The following ZGRF1 variants were observed in gnomAD, a reference collection of about 807,000 sequenced individuals.
ZGRF1 encodes the protein zinc finger GRF-type containing 1, also known as 5'-3' DNA helicase ZGRF1.
In ZGRF1, 196 loss-of-function variants were observed where a neutral mutation model predicts 203.5. That is an observed-to-expected ratio of 0.96 (90% CI 0.86 to 1.08). The LOEUF (loss-of-function observed/expected upper bound fraction) is 1.08. Ranked by LOEUF, ZGRF1 falls within the 50% of genes least tolerant of loss-of-function variation. The pLI is 0.00. For synonymous variants in ZGRF1, 809 were observed against 841.3 expected (o/e 0.96, Z 0.66); for missense variants, 2,326 against 2,416.3 (o/e 0.96, Z 0.78).
rs751274788 is a variant in ZGRF1, at chr4:112,584,132, A to G, written c.4144T>C (p.Cys1382Arg). ...YTCDGPKADR[C>R]KFFKWLEDVT... The stretch of plus-strand genomic sequence containing the variant: ...TCCTCAAGCCATTTAAAGAATTTAC[A>G]TCGATCAGCTTTGGGTCCATCACAT... The change falls in exon 15 of 28, where the codon TGT (cysteine) becomes CGT (arginine). Residue 1382 changes from cysteine (C) to arginine (R), a missense_variant. Coordinates refer to ENST00000505019, the MANE Select transcript of ZGRF1 (RefSeq NM_018392.5). The G allele has an allele frequency of 3.1e-6, 5 of 1,613,440 alleles. No homozygotes were observed. The highest frequency in any genetic ancestry group is 1.1e-5 in the South Asian group (1 of 91,016).
At chr4:112,594,394 A>G (rs777434789) in intron 10 of ZGRF1, among the ~76,000 whole-genome samples, 4 of 149,314 alleles carry the variant, frequency 2.7e-5, no homozygotes, top group Non-Finnish European at 5.9e-5. Flanking sequence ...TTTTTCTACT[A>G]TATTTTCTAA....
At chr4:112,553,089 T>C (rs1392994811) in intron 22 of ZGRF1, among the ~76,000 whole-genome samples, 3 of 152,232 alleles carry the variant, frequency 2.0e-5, no homozygotes, top group Non-Finnish European at 4.4e-5. Context: ...CAATAGCTGA[T>C]CAATACAGTG....
Position 112,560,988 on chromosome 4 carries a change from G to A in ZGRF1, c.4705C>T (p.Pro1569Ser). The A allele has an allele frequency of 6.2e-7, 1 of 1,605,940 alleles. No homozygotes were observed. The highest frequency in any genetic ancestry group is 8.5e-7 in the Non-Finnish European group (1 of 1,174,132). ...LTQYLLTTSS[P>S]TIVSNKRVSK... ...ACTCTTTTGTTACTAACTATAGTTG[G>A]CGAAGACCTAATAAAAATGAAGCAA... The change falls in exon 19 of 28, where the codon CCA becomes TCA. Residue 1569 changes from proline (P) to serine (S), a missense_variant. Transcript: ENST00000505019.
intron 24 of ZGRF1, chr4:112,546,649 T>G (rs577885550): frequency 2.0e-5 from 3 of 152,322 alleles, no homozygotes; most frequent in Admixed American, 6.5e-5. Flanking sequence ...AAGGATGGAT[T>G]TGTGAATGGA....
chr4:112,602,356 A>G (rs1360872626), intron 10 of ZGRF1, among the ~76,000 whole-genome samples: 6 of 152,254 alleles, frequency 3.9e-5, no homozygotes, highest in Admixed American at 3.9e-4. Context: ...CCACCAGAAT[A>G]GCTAAAACTG....
intron 7 of ZGRF1, among the ~76,000 whole-genome samples, chr4:112,611,492 T>C (rs1375935617): frequency 6.6e-6 from 1 of 152,238 alleles, no homozygotes; most frequent in African/African-American, 2.4e-5. Context: ...ACCAGTGCCA[T>C]ATAATGAAAG....
intron 24 of ZGRF1, among the ~76,000 whole-genome samples, chr4:112,545,184 T>C (rs1380473174): frequency 1.3e-5 from 2 of 151,168 alleles, no homozygotes; most frequent in African/African-American, 2.4e-5. Context: ...CAAAAAACAC[T>C]ATTAAAGTGA....
At chr4:112,591,148 A>C (rs969299266) in intron 10 of ZGRF1, among the ~76,000 whole-genome samples, 1 of 152,200 alleles carries the variant, frequency 6.6e-6, no homozygotes, top group Admixed American at 6.5e-5. Context: ...TATATTTCTG[A>C]GTTCTTACTA....
rs144635455 is a variant in ZGRF1 at position 112,597,406 on chromosome 4, C to A, written c.2976+6118G>T. Among the ~76,000 whole-genome samples, 1,084 of 151,848 alleles carry A rather than the reference C, an allele frequency of 7.1e-3. 33 individuals carry two copies. The East Asian group carries it at 0.093, about 13-fold the overall frequency. ...AGGTGTGGTGGTGTGCATCTGTAAT[C>A]CCAGCTACCCAGGAGGCTGAGGCAG... On this transcript the variant is annotated intron_variant, in intron 10 of 27. Transcript: ENST00000505019.
intron 24 of ZGRF1, among the ~76,000 whole-genome samples, chr4:112,544,832 C>T (rs1357246254): frequency 6.6e-6 from 1 of 152,144 alleles, no homozygotes; most frequent in Non-Finnish European, 1.5e-5. Flanking sequence ...AGAAATAAAC[C>T]CTTGTACATG....
intron 11 of ZGRF1, 138 bp downstream of exon 11, chr4:112,589,586 G>T (rs1475164431): frequency 1.9e-5 from 14 of 729,826 alleles, no homozygotes; most frequent in Non-Finnish European, 3.0e-5. Flanking sequence ...AAGTTCAAAG[G>T]AAGAAAGGTT....
chr4:112,617,999 T>G lies in ZGRF1; in HGVS notation c.2043A>C (p.Lys681Asn). 6.2e-7 allele frequency: 1 copy of G among 1,612,730 alleles called. No homozygotes were observed. Among genetic ancestry groups the G allele is most frequent in the Non-Finnish European group, 8.5e-7 (1 of 1,179,784 alleles). Residue 681 changes from lysine to asparagine, a missense_variant, in exon 6 of 28, where the codon AAA becomes AAC. Transcript: ENST00000505019. ...GTAAATTCATGTTTATACCTTTAGA[T>G]TTATTCGGGGGTAAAGCAAAATCAT... is the stretch of plus-strand genomic sequence containing the variant. ...INYDFALPPN[K>N]SKGINMNLHI...
rs1274215242 is a variant in ZGRF1, at chr4:112,585,582, G to A, written c.4060C>T (p.Pro1354Ser). ...NNVPSCHHSQ[P>S]AKLVMVKKEG... ...TTTTTAACCATGACAAGTTTTGCAG[G>A]TTGACTATGATGGCAGGATGGTACA... The change falls in exon 14 of 28, where the codon CCT (proline) becomes TCT (serine). Residue 1354 changes from proline to serine, a missense_variant. By Grantham distance (74) the Pro-to-Ser change is moderately conservative (BLOSUM62 -1). Coordinates refer to ENST00000505019, the MANE Select transcript of ZGRF1 (RefSeq NM_018392.5). The A allele has an allele frequency of 1.9e-6, 3 of 1,611,890 alleles. No individual in the cohort carries two copies. In the East Asian group the frequency reaches 6.7e-5, roughly 36 times the overall value.
intron 16 of ZGRF1, among the ~76,000 whole-genome samples, chr4:112,569,167 T>A (rs1309856673): frequency 1.3e-5 from 2 of 152,234 alleles, no homozygotes; most frequent in South Asian, 2.1e-4. Flanking sequence ...CCTAAAATTT[T>A]ATATGTAGCC....
In ZGRF1 at chr4:112,617,901, A is replaced by C; in HGVS notation, c.2141T>G (p.Phe714Cys). ...LFSEDAQPQPFILGSDLDKND... is the reference protein window; with the variant it reads ...LFSEDAQPQPCILGSDLDKND... Reference sequence around the variant, plus strand: ...TTTGTCTAAGTCACTTCCCAAAATAAAAGGCTGAGGTTGAGCATCTTCTGA... The same window carrying C: ...TTTGTCTAAGTCACTTCCCAAAATACAAGGCTGAGGTTGAGCATCTTCTGA... The change falls in exon 6 of 28, where the codon TTT becomes TGT. Residue 714 changes from phenylalanine (F) to cysteine (C), a missense_variant. Transcript: ENST00000505019. 6.2e-7 allele frequency: 1 copy of C among 1,613,960 alleles called. No homozygotes were observed. The highest frequency in any genetic ancestry group is 8.5e-7 in the Non-Finnish European group (1 of 1,179,984).
At chr4:112,599,088 G>T (rs1041531632) in intron 10 of ZGRF1, among the ~76,000 whole-genome samples, 18 of 151,800 alleles carry the variant, frequency 1.2e-4, no homozygotes, top group Admixed American at 3.3e-4. Context: ...CTAATGTAGT[G>T]GAAAAAAATG....
Position 112,540,801 on chromosome 4 carries a change from C to T in ZGRF1, c.5910+20G>A, listed in dbSNP as rs370464100. On this transcript the variant is annotated intron_variant, in intron 26 of 27. Coordinates refer to ENST00000505019, the MANE Select transcript of ZGRF1 (RefSeq NM_018392.5). Reference sequence around the variant, plus strand: ...TGTAATATTTAATATATGGCAAATACTGTAATACATAATACCAACCTTGTA... The same window carrying T: ...TGTAATATTTAATATATGGCAAATATTGTAATACATAATACCAACCTTGTA... 4.6e-5 allele frequency: 71 copies of T among 1,557,596 alleles called. No homozygotes were observed. Among genetic ancestry groups the T allele is most frequent in the Non-Finnish European group, 2.3e-5 (26 of 1,143,962 alleles).
intron 16 of ZGRF1, among the ~76,000 whole-genome samples, chr4:112,574,972 ACCTAGAT>A (rs1196716468): frequency 4.0e-5 from 6 of 151,802 alleles, no homozygotes; most frequent in Admixed American, 3.9e-4. Flanking sequence ...ACTGCAGTGA[ACCTAGAT>A]CACGCTACTG....
At chr4:112,562,264 A>C (rs1742140344) in intron 18 of ZGRF1, 107 bp downstream of exon 18, 6 of 676,458 alleles carry the variant, frequency 8.9e-6, no homozygotes, top group Non-Finnish European at 1.6e-5. Flanking sequence ...AAAAATAATT[A>C]CAATTTTATT....
Sources: allele counts gnomAD v4.1 joint callset (sites outside exome capture counted in the v4.1 genomes callset), GRCh38; gene constraint gnomAD v4.1.1; transcripts MANE v1.5; gene names NCBI Gene and HGNC (gene_info 2026-07-23, HGNC 2026-07-21).